The following WDPCP variants were observed in gnomAD, a reference collection of about 807,000 sequenced individuals.
WDPCP encodes the protein WD repeat containing planar cell polarity effector, also known as WD repeat-containing and planar cell polarity effector protein fritz homolog.
WDPCP carries 71 observed loss-of-function variants against 93.1 expected under a neutral mutation model. That is an observed-to-expected ratio of 0.76 (90% CI 0.63 to 0.93). The LOEUF is 0.93. WDPCP is among the 40% of genes least tolerant of loss of function. WDPCP has a pLI of 0.00. For missense variants in WDPCP, 844 were observed against 887.4 expected, an observed-to-expected ratio of 0.95 and a Z score of 0.62; for synonymous variants, 315 against 315.0, an observed-to-expected ratio of 1.00 and a Z score of 0.00.
intron 10 of WDPCP, among the ~76,000 whole-genome samples, chr2:63,386,550 G>A (rs1361436068): frequency 6.6e-6 from 1 of 152,096 alleles, no homozygotes; most frequent in Non-Finnish European, 1.5e-5. Context: ...AATTTCAAGT[G>A]TTAGAACTTG....
intron 15 of WDPCP, among the ~76,000 whole-genome samples, chr2:63,157,024 C>G (rs1320998863): frequency 6.7e-6 from 1 of 150,202 alleles, no homozygotes; most frequent in Non-Finnish European, 1.5e-5. Flanking sequence ...GAGGAAGCCC[C>G]CTTCTACTCC....
intron 12 of WDPCP, among the ~76,000 whole-genome samples, chr2:63,340,613 CTGAAG>C (rs1384419735): frequency 1.3e-5 from 2 of 152,182 alleles, no homozygotes; most frequent in African/African-American, 2.4e-5. Flanking sequence ...AAACTGTGAA[CTGAAG>C]TGAAGATTTT....
At chr2:63,615,164 G>A (rs1455218102) in intron 3 of WDPCP, among the ~76,000 whole-genome samples, 2 of 152,192 alleles carry the variant, frequency 1.3e-5, no homozygotes, top group African/African-American at 4.8e-5. Flanking sequence ...AGATCAGGCT[G>A]CAAACACAGA....
the WDPCP span, among the ~76,000 whole-genome samples, chr2:63,833,981 A>G: frequency 6.6e-6 from 1 of 152,156 alleles, no homozygotes; most frequent in Non-Finnish European, 1.5e-5. Context: ...ACATACACAC[A>G]CACACACACA....
chr2:63,450,146 A>G (rs1246842035), intron 6 of WDPCP, among the ~76,000 whole-genome samples: 4 of 152,096 alleles, frequency 2.6e-5, no homozygotes, highest in Non-Finnish European at 5.9e-5. Context: ...ACACATAGAA[A>G]CCAGGACTCC....
chr2:63,132,506 C>T (rs765842980), intron 17 of WDPCP, among the ~76,000 whole-genome samples: 1 of 149,252 alleles, frequency 6.7e-6, no homozygotes, highest in Non-Finnish European at 1.5e-5. Context: ...GTCTCTTAAG[C>T]TCTGTTCACT....
Position 63,373,254 on chromosome 2 carries a change from GT to G in WDPCP, c.1748+5131del, listed in dbSNP as rs70965124. On this transcript the variant is annotated intron_variant, in intron 12 of 17. Transcript: ENST00000272321. Reference sequence around the variant, plus strand: ...TTTTCTTTGTTTTCATTTTTTTGTTGTTTTTTTTTTTCTTTTAAATGACATA... The same window carrying G: ...TTTTCTTTGTTTTCATTTTTTTGTTGTTTTTTTTTTCTTTTAAATGACATA... Among the ~76,000 whole-genome samples, 512 of 143,522 alleles carry G rather than the reference GT, an allele frequency of 3.6e-3. 4 individuals are homozygous for G. Among genetic ancestry groups the G allele is most frequent in the Non-Finnish European group, 5.8e-3 (386 of 66,356 alleles). 94.2% of individuals were successfully genotyped at this position (143,522 alleles called of 152,430 possible).
intron 15 of WDPCP, among the ~76,000 whole-genome samples, chr2:63,162,976 T>A (rs1476178107): frequency 6.6e-6 from 1 of 152,200 alleles, no homozygotes; most frequent in Non-Finnish European, 1.5e-5. Context: ...AAGTTTTTCA[T>A]TTGTCTAGTT....
intron 1 of WDPCP, among the ~76,000 whole-genome samples, chr2:63,521,856 T>C (rs370941411): frequency 1.3e-5 from 2 of 152,000 alleles, no homozygotes; most frequent in East Asian, 3.9e-4. Context: ...GCAATAAAAA[T>C]AGAAATTATT....
intron 1 of WDPCP, among the ~76,000 whole-genome samples, chr2:63,550,234 CACACA>C (rs879388916): frequency 0.17 from 3,101 of 18,426 alleles, 89 homozygotes; most frequent in South Asian, 0.39. Flanking sequence ...CACACACACA[CACACA>C]CCCTTCCTCT....
intron 17 of WDPCP, among the ~76,000 whole-genome samples, chr2:63,134,365 A>G (rs1358711376): frequency 1.3e-5 from 2 of 152,224 alleles, no homozygotes; most frequent in East Asian, 3.8e-4. Context: ...CACAATTATG[A>G]TCAATAATAC....
At chr2:63,456,201 G>C (rs1268948961) in intron 6 of WDPCP, among the ~76,000 whole-genome samples, 1 of 152,168 alleles carries the variant, frequency 6.6e-6, no homozygotes, top group Non-Finnish European at 1.5e-5. Flanking sequence ...GAGATCACTT[G>C]AGGTCAGCAA....
chr2:63,121,091 T>A lies in WDPCP; in HGVS notation c.*915A>T, dbSNP rs181892067. ...AATGTTAAGAGGGCTAGATGACACCTGCACACTCAATGGGCAGTGTAAAGG... is the reference window on the plus strand; with the variant it reads ...AATGTTAAGAGGGCTAGATGACACCAGCACACTCAATGGGCAGTGTAAAGG... On this transcript the variant is annotated 3_prime_UTR_variant, in exon 18 of 18. Transcript: ENST00000272321. Among the ~76,000 whole-genome samples the A allele has an allele frequency of 3.0e-4, 46 of 152,244 alleles. No individual in the cohort carries two copies. Among genetic ancestry groups the A allele is most frequent in the Non-Finnish European group, 5.0e-4 (34 of 68,024 alleles).
chr2:63,518,054 A>G (rs1702667374), intron 1 of WDPCP: 1 of 151,998 alleles, frequency 6.6e-6, no homozygotes, highest in Non-Finnish European at 1.5e-5. Context: ...ACACCCAGCT[A>G]ATTTTGTACT....
intron 2 of WDPCP, among the ~76,000 whole-genome samples, chr2:63,730,945 T>C (rs1409008150): frequency 4.0e-5 from 6 of 148,890 alleles, no homozygotes; most frequent in African/African-American, 1.5e-4. Flanking sequence ...GCCAAGTACA[T>C]GAAAAAAAAA....
At chr2:63,130,251 G>A (rs1052291287) in intron 17 of WDPCP, among the ~76,000 whole-genome samples, 7 of 152,098 alleles carry the variant, frequency 4.6e-5, no homozygotes, top group African/African-American at 1.7e-4. Context: ...TTAGGCCTGT[G>A]TATAGATCTT....
intron 14 of WDPCP, among the ~76,000 whole-genome samples, chr2:63,248,177 A>C (rs1041202473): frequency 6.6e-6 from 1 of 152,148 alleles, no homozygotes; most frequent in Non-Finnish European, 1.5e-5. Flanking sequence ...TAGAGTTACA[A>C]ACTAAAATTA....
At chr2:63,335,200 C>T (rs1039403159) in intron 12 of WDPCP, among the ~76,000 whole-genome samples, 1 of 152,132 alleles carries the variant, frequency 6.6e-6, no homozygotes, top group Non-Finnish European at 1.5e-5. Context: ...TTTAAAATTT[C>T]TTCCTCTTTC....
intron 14 of WDPCP, among the ~76,000 whole-genome samples, chr2:63,204,350 T>TC (rs1676160989): frequency 6.9e-6 from 1 of 145,544 alleles, no homozygotes; most frequent in Non-Finnish European, 1.5e-5. Context: ...TTTTTTTTTT[T>TC]TTTTTTTTGA....
Sources: allele counts gnomAD v4.1 joint callset (sites outside exome capture counted in the v4.1 genomes callset), GRCh38; gene constraint gnomAD v4.1.1; transcripts MANE v1.5; gene names NCBI Gene and HGNC (gene_info 2026-07-23, HGNC 2026-07-21).